Variants in TSC2 observed in about 807,000 individuals in gnomAD.
TSC2 encodes TSC complex subunit 2.
TSC2 carries 29 observed loss-of-function variants against 202.2 expected under a neutral mutation model. The ratio of observed to expected loss-of-function variants is 0.14; its 90% CI spans 0.11 to 0.20. The LOEUF is 0.20. Among genes scored for constraint, TSC2 ranks in the 10% least tolerant of loss-of-function variants. The pLI is 1.00. For missense variants in TSC2, 2,429 were observed against 2,420.0 expected, an observed-to-expected ratio of 1.00 and a Z score of -0.08; for synonymous variants, 1,349 against 1,044.0, an observed-to-expected ratio of 1.29 and a Z score of -5.63.
chr16:2,048,137 T>G (rs982712461), intron 1 of TSC2, 72 bp downstream of exon 1: 146 of 1,516,974 alleles, frequency 9.6e-5, no homozygotes, highest in Non-Finnish European at 1.1e-4. Context: ...GACCCCGCAG[T>G]GTCCGGGTCC....
chr16:2,070,677 G>C, intron 17 of TSC2, 99 bp downstream of exon 17: 1 of 1,573,284 alleles, frequency 6.4e-7, no homozygotes. Flanking sequence ...ACGGCCCCAG[G>C]ATGGGGCCTC....
chr16:2,074,101 T>C, intron 21 of TSC2, 99 bp from the exon 22 acceptor site: 1 of 1,505,298 alleles, frequency 6.6e-7, no homozygotes, highest in Non-Finnish European at 9.1e-7. Context: ...TTGCTAAGCC[T>C]CGGCTGTTCT....
chr16:2,088,848 T>G lies in TSC2; in HGVS notation c.*238T>G. ...CAGCTCCGAGGGCCTTGAGGCTGCC[T>G]GGGCCATACAGCACACTCGCGCGTG... On this transcript the variant is annotated 3_prime_UTR_variant, in exon 42 of 42. Coordinates refer to ENST00000219476, the MANE Select transcript of TSC2 (RefSeq NM_000548.5). 4 of 580,902 alleles carry G rather than the reference T, an allele frequency of 6.9e-6. No homozygotes were observed. The highest frequency in any genetic ancestry group is 1.2e-5 in the Non-Finnish European group (4 of 327,914). The allele number at this position is 580,902 out of a possible 1,614,324, so 36.0% of individuals were successfully genotyped here. A position where few individuals can be genotyped will look rare whatever the true frequency, so the allele number is the denominator to read the frequency against.
At position 2,048,575 on chromosome 16, in the gene TSC2, T is replaced by C. The variant is rs950675434; in HGVS notation, c.-29-12T>C. ...TTGCTCAGATGTCCCCATTCCTGTT[T>C]CGTTTGCACAGAGGGGTTTTCTGGT... On this transcript the variant is annotated splice_polypyrimidine_tract_variant and intron_variant, in intron 1 of 41. Coordinates refer to ENST00000219476, the MANE Select transcript of TSC2 (RefSeq NM_000548.5). 1 of 1,613,446 alleles carries C rather than the reference T, an allele frequency of 6.2e-7. No individual in the cohort carries two copies. The highest frequency in any genetic ancestry group is 8.5e-7 in the Non-Finnish European group (1 of 1,179,994).
At chr16:2,088,200 G>T (rs2151626292) in intron 40 of TSC2, 27 bp from the exon 41 acceptor site, 1 of 1,580,692 alleles carries the variant, frequency 6.3e-7, no homozygotes, top group Non-Finnish European at 8.7e-7. Flanking sequence ...ACCTGATAGT[G>T]AGCTCACCCC....
chr16:2,070,021 G>A (rs1355305017), intron 16 of TSC2, among the ~76,000 whole-genome samples: 2 of 152,166 alleles, frequency 1.3e-5, no homozygotes, highest in Non-Finnish European at 2.9e-5. Context: ...GGGTCCCTCA[G>A]GCCAGATTTC....
At chr16:2,072,210 G>A in intron 19 of TSC2, 31 bp from the exon 20 acceptor site, 1 of 1,613,478 alleles carries the variant, frequency 6.2e-7, no homozygotes. Context: ...GGGTCCAGAA[G>A]GCCCTGTCCT....
At chr16:2,086,055 G>A in intron 36 of TSC2, 138 bp from the exon 37 acceptor site, 2 of 981,152 alleles carry the variant, frequency 2.0e-6, no homozygotes, top group Non-Finnish European at 1.6e-6. Flanking sequence ...GGCCTGGGTG[G>A]CTGCTGGAAT....
chr16:2,052,042 G>A (rs752191930), intron 3 of TSC2, among the ~76,000 whole-genome samples: 3 of 152,132 alleles, frequency 2.0e-5, no homozygotes, highest in Non-Finnish European at 1.5e-5. Context: ...TGCAGCCTGG[G>A]CAACAGAGCA....
intron 16 of TSC2, among the ~76,000 whole-genome samples, chr16:2,067,063 C>T (rs921856059): frequency 1.3e-5 from 2 of 152,058 alleles, no homozygotes; most frequent in African/African-American, 2.4e-5. Flanking sequence ...AAAAGCTCAT[C>T]CTTAAGATGT....
At position 2,064,669 on chromosome 16, in the gene TSC2, C is replaced by T. The variant is rs911601611; in HGVS notation, c.1599+242C>T. 9 of 613,412 alleles carry T rather than the reference C, an allele frequency of 1.5e-5. No individual in the cohort carries two copies. The African/African-American group carries it at 1.7e-4, about 11-fold the overall frequency. The allele number at this position is 613,412 out of a possible 1,614,324, so 38.0% of individuals were successfully genotyped here. A position where few individuals can be genotyped will look rare whatever the true frequency, so the allele number is the denominator to read the frequency against. On this transcript the variant is annotated intron_variant, in intron 15 of 41. Coordinates refer to ENST00000219476, the MANE Select transcript of TSC2 (RefSeq NM_000548.5). ...CACACTCTGGGACAGCTGGGCTGGG[C>T]CTCCTGGACCGACGCTGGAGCCCAG...
Position 2,058,747 on chromosome 16 carries a change from A to C in TSC2, c.849A>C (p.Arg283Ser), listed in dbSNP as rs1596288325. 6.3e-7 allele frequency: 1 copy of C among 1,579,762 alleles called. No individual in the cohort carries two copies. Among genetic ancestry groups the C allele is most frequent in the East Asian group, 2.3e-5 (1 of 43,762 alleles). ...CCGTCTCTCTGGGGAACACTTTTAG[A>C]GCCTACATGGAGGACGCGCCCCTGC... ...IYNMCHLMED[R>S]AYMEDAPLLR... The change falls in exon 10 of 42, where the codon AGA (arginine) becomes AGC (serine). Residue 283 changes from arginine to serine, a missense_variant and splice_region_variant. Coordinates refer to ENST00000219476, the MANE Select transcript of TSC2 (RefSeq NM_000548.5).
chr16:2,056,362 G>T, intron 7 of TSC2, 118 bp downstream of exon 7: 3 of 1,409,642 alleles, frequency 2.1e-6, no homozygotes, highest in African/African-American at 2.8e-5. Flanking sequence ...CAAGCTGCTC[G>T]GTCTCTCTGA....
intron 16 of TSC2, among the ~76,000 whole-genome samples, chr16:2,069,071 G>A (rs1364771507): frequency 6.6e-6 from 1 of 152,040 alleles, no homozygotes; most frequent in Non-Finnish European, 1.5e-5. Flanking sequence ...ACCCATGAAG[G>A]CCAGCCTCGT....
chr16:2,083,757 G>A lies in TSC2; in HGVS notation c.3946G>A (p.Gly1316Arg), dbSNP rs1555513510. The change falls in exon 33 of 42, where the codon GGG becomes AGG. Residue 1316 changes from glycine to arginine, a missense_variant. By Grantham distance (125) the Gly-to-Arg change is moderately radical. Transcript: ENST00000219476. ...GGTTCCTGTGCTGGTGGAGCCCCCA[G>A]GGTTGGAGGACGTTGAGGCAGCGCT... ...GEVPVLVEPPGLEDVEAALGM... is the reference protein window; with the variant it reads ...GEVPVLVEPPRLEDVEAALGM... 1 of 1,609,888 alleles carries A rather than the reference G, an allele frequency of 6.2e-7. No homozygotes were observed. The highest frequency in any genetic ancestry group is 8.5e-7 in the Non-Finnish European group (1 of 1,179,028).
Position 2,065,624 on chromosome 16 carries a change from G to T in TSC2, c.1705G>T (p.Val569Phe). ...GAAGACAGCCGTCCTGGGGCTTCTG[G>T]TCATCCTTCAGGTGGGTGTTCTGCA... ...DVKTAVLGLL[V>F]ILQTKLYTLP... Residue 569 changes from valine to phenylalanine, a missense_variant, in exon 16 of 42, where the codon GTC becomes TTC. Physicochemically the swap from Val to Phe is conservative, Grantham distance 50. Coordinates refer to ENST00000219476, the MANE Select transcript of TSC2 (RefSeq NM_000548.5). 1.9e-6 allele frequency: 3 copies of T among 1,613,632 alleles called. No homozygotes were observed. Among genetic ancestry groups the T allele is most frequent in the Non-Finnish European group, 2.5e-6 (3 of 1,179,960 alleles).
chr16:2,073,779 C>T (rs1479854254), intron 21 of TSC2, among the ~76,000 whole-genome samples: 2 of 152,204 alleles, frequency 1.3e-5, no homozygotes, highest in African/African-American at 2.4e-5. Flanking sequence ...GGAAGCTGTT[C>T]CCGGGACACT....
At chr16:2,085,345 G>A (rs2151554744) in intron 36 of TSC2, 23 bp downstream of exon 36, 2 of 1,612,126 alleles carry the variant, frequency 1.2e-6, no homozygotes, top group Non-Finnish European at 1.7e-6. Flanking sequence ...GGCCGGCCTA[G>A]GTGCCTGGAC....
intron 36 of TSC2, among the ~76,000 whole-genome samples, chr16:2,085,950 C>T (rs1025603345): frequency 1.5e-4 from 23 of 152,152 alleles, no homozygotes; most frequent in Non-Finnish European, 2.4e-4. Context: ...GCCAGGGCCC[C>T]GGGTGTGCTT....
Sources: gnomAD v4.1 joint callset for allele counts (sites outside exome capture counted in the v4.1 genomes callset) on GRCh38, gnomAD v4.1.1 for gene constraint, MANE v1.5 for transcripts, NCBI Gene and HGNC (gene_info 2026-07-23, HGNC 2026-07-21) for gene names.